The following BCKDHB variants were observed in gnomAD, a reference collection of about 807,000 sequenced individuals.
The protein encoded by BCKDHB is 2-oxoisovalerate dehydrogenase subunit beta, mitochondrial.
In BCKDHB, 41 loss-of-function variants were observed where a neutral mutation model predicts 48.5. The ratio of observed to expected loss-of-function variants is 0.85; its 90% CI spans 0.66 to 1.10. The LOEUF is 1.10. BCKDHB is among the 50% of genes least tolerant of loss of function. BCKDHB has a pLI of 0.00. For missense variants in BCKDHB, 496 were observed against 494.2 expected, an observed-to-expected ratio of 1.00 and a Z score of -0.03; for synonymous variants, 201 against 174.8, an observed-to-expected ratio of 1.15 and a Z score of -1.18.
intron 3 of BCKDHB, among the ~76,000 whole-genome samples, chr6:80,163,160 C>T (rs1395761402): frequency 6.6e-6 from 1 of 152,040 alleles, no homozygotes; most frequent in East Asian, 1.9e-4. Flanking sequence ...TCAAGTGATT[C>T]TCCGAAAGTG....
the BCKDHB span, chr6:80,374,064 T>A: frequency 1.5e-6 from 1 of 680,540 alleles, no homozygotes; most frequent in East Asian, 3.1e-5. Flanking sequence ...CTGGGATATC[T>A]TTTTCTTCTG....
At chr6:80,199,545 G>A (rs1176977871) in intron 6 of BCKDHB, among the ~76,000 whole-genome samples, 10 of 151,134 alleles carry the variant, frequency 6.6e-5, no homozygotes, top group African/African-American at 1.7e-4. Flanking sequence ...TGGGAGCCTC[G>A]GGGGGCAGAT....
intron 9 of BCKDHB, among the ~76,000 whole-genome samples, chr6:80,337,840 T>TACAGGAA (rs1769675638): frequency 6.6e-6 from 1 of 152,160 alleles, no homozygotes; most frequent in South Asian, 2.1e-4. Context: ...CAGATAATCC[T>TACAGGAA]ACAGGAAACG....
In BCKDHB at chr6:80,174,044, C is replaced by T. The variant is rs78074570; in HGVS notation, c.742+2654C>T. ...ACATTCATTTCAAAGACCAGAGCAG[C>T]CTGACAATTTCTAAGTGGTAGTATA... On this transcript the variant is annotated intron_variant, in intron 6 of 9. Transcript: ENST00000320393. Among the ~76,000 whole-genome samples the T allele has an allele frequency of 3.5e-4, 53 of 152,154 alleles. No individual in the cohort carries two copies. The East Asian group carries it at 9.5e-3, about 27-fold the overall frequency.
At chr6:80,127,709 TG>T in intron 2 of BCKDHB, 85 bp downstream of exon 2, 1 of 1,191,572 alleles carries the variant, frequency 8.4e-7, no homozygotes, top group Non-Finnish European at 1.3e-6. Context: ...TGGAGCTCAA[TG>T]GTTAACATTG....
At chr6:80,330,824 A>T (rs3812120) in intron 9 of BCKDHB, among the ~76,000 whole-genome samples, 41,364 of 151,514 alleles carry the variant, frequency 0.27, 5,786 homozygotes, top group Non-Finnish European at 0.31. Context: ...TGCTCCTAAA[A>T]TACCCAATTT....
chr6:80,393,488 A>G, the BCKDHB span, among the ~76,000 whole-genome samples: 1 of 151,868 alleles, frequency 6.6e-6, no homozygotes, highest in Non-Finnish European at 1.5e-5. Flanking sequence ...AGAAGATACC[A>G]TTTATGAAGC....
intron 9 of BCKDHB, among the ~76,000 whole-genome samples, chr6:80,339,013 A>AT (rs33974709): frequency 1.7e-5 from 1 of 57,546 alleles, no homozygotes; most frequent in Non-Finnish European, 6.2e-5. Context: ...ATAAAAAAAA[A>AT]AATTGTTGAG....
chr6:80,107,670 T>C (rs1769198007), intron 1 of BCKDHB, among the ~76,000 whole-genome samples: 1 of 151,662 alleles, frequency 6.6e-6, no homozygotes, highest in Admixed American at 6.6e-5. Flanking sequence ...CCTAGAGATG[T>C]GAAAGAATTC....
chr6:80,377,932 TGTTAA>T, the BCKDHB span, among the ~76,000 whole-genome samples: 1 of 152,352 alleles, frequency 6.6e-6, no homozygotes, highest in South Asian at 2.1e-4. Flanking sequence ...ATCATTACAA[TGTTAA>T]GTCTTTAGAT....
At chr6:80,272,283 T>C (rs188007456) in intron 8 of BCKDHB, among the ~76,000 whole-genome samples, 1 of 152,326 alleles carries the variant, frequency 6.6e-6, no homozygotes. Flanking sequence ...TTGAAAGATT[T>C]CATTTTATAT....
chr6:80,291,885 A>G (rs1051693001), intron 9 of BCKDHB, among the ~76,000 whole-genome samples: 22 of 152,230 alleles, frequency 1.4e-4, no homozygotes, highest in Non-Finnish European at 4.4e-5. Flanking sequence ...CTATTTGTAT[A>G]AAGTGCAGCA....
intron 8 of BCKDHB, among the ~76,000 whole-genome samples, chr6:80,246,956 G>A (rs574077586): frequency 5.9e-4 from 89 of 151,248 alleles, no homozygotes; most frequent in Admixed American, 1.5e-3. Context: ...TAGACACTTT[G>A]GTCCTTATTT....
chr6:80,176,689 A>G (rs1773170638), intron 6 of BCKDHB, among the ~76,000 whole-genome samples: 1 of 152,200 alleles, frequency 6.6e-6, no homozygotes. Flanking sequence ...AGTATGTGCT[A>G]GTAGTGCGGT....
chr6:80,174,670 C>T (rs1019466071), intron 6 of BCKDHB, among the ~76,000 whole-genome samples: 2 of 152,070 alleles, frequency 1.3e-5, no homozygotes, highest in African/African-American at 4.8e-5. Context: ...AAGTGAATGC[C>T]AAAGCTGGGC....
the BCKDHB span, among the ~76,000 whole-genome samples, chr6:80,380,506 T>A: frequency 6.6e-6 from 1 of 151,738 alleles, no homozygotes; most frequent in East Asian, 1.9e-4. Context: ...TAGAAAAAAC[T>A]CTTCTGGATA....
At chr6:80,259,441 G>A (rs1447404373) in intron 8 of BCKDHB, among the ~76,000 whole-genome samples, 2 of 152,160 alleles carry the variant, frequency 1.3e-5, no homozygotes, top group East Asian at 1.9e-4. Context: ...CCCTCATGGA[G>A]GTTTCCTGGT....
intron 1 of BCKDHB, among the ~76,000 whole-genome samples, chr6:80,126,468 A>G (rs1282082662): frequency 6.6e-6 from 1 of 152,136 alleles, no homozygotes; most frequent in African/African-American, 2.4e-5. Context: ...TGGGAATTAG[A>G]TCTTGACTGT....
At chr6:80,370,942 A>G in the BCKDHB span, among the ~76,000 whole-genome samples, 2 of 152,076 alleles carry the variant, frequency 1.3e-5, no homozygotes, top group Non-Finnish European at 2.9e-5. Flanking sequence ...TTGTGCTGCT[A>G]TAAACATGCA....
Sources: allele counts gnomAD v4.1 joint callset (sites outside exome capture counted in the v4.1 genomes callset), GRCh38; gene constraint gnomAD v4.1.1; transcripts MANE v1.5; gene names NCBI Gene and HGNC (gene_info 2026-07-23, HGNC 2026-07-21).